The following SPATA13 variants were observed in gnomAD, a reference collection of about 807,000 sequenced individuals.
SPATA13 encodes spermatogenesis-associated protein 13.
A neutral mutation model predicts 104.0 loss-of-function variants in SPATA13; 50 were observed. That is an observed-to-expected ratio of 0.48 (90% CI 0.38 to 0.61). The LOEUF is 0.61. Ranked by LOEUF, SPATA13 falls within the 20% of genes least tolerant of loss-of-function variation. SPATA13 has a pLI of 0.00. For synonymous variants in SPATA13, 606 were observed against 667.5 expected, an observed-to-expected ratio of 0.91 and a Z score of 1.42; for missense variants, 1,524 against 1,690.6, an observed-to-expected ratio of 0.90 and a Z score of 1.73.
At chr13:24,262,193 A>C (rs1382108006) in intron 4 of SPATA13, among the ~76,000 whole-genome samples, 1 of 152,178 alleles carries the variant, frequency 6.6e-6, no homozygotes, top group Non-Finnish European at 1.5e-5. Flanking sequence ...TTTTTAAATA[A>C]AATTAATTGA....
chr13:24,298,266 A>AC (rs1876934666), intron 11 of SPATA13, among the ~76,000 whole-genome samples: 1 of 152,128 alleles, frequency 6.6e-6, no homozygotes, highest in South Asian at 2.1e-4. Flanking sequence ...CCTGTGCAAT[A>AC]CCTTCAGTGT....
At chr13:24,266,231 T>C (rs1006578142) in intron 4 of SPATA13, among the ~76,000 whole-genome samples, 1 of 152,210 alleles carries the variant, frequency 6.6e-6, no homozygotes, top group East Asian at 1.9e-4. Context: ...TCTGTATCTA[T>C]AGAATAAAAT....
chr13:24,286,674 C>T lies in SPATA13; in HGVS notation c.2482-91C>T. The T allele has an allele frequency of 7.8e-7, 1 of 1,289,984 alleles. No individual in the cohort carries two copies. The allele number at this position is 1,289,984 out of a possible 1,614,324, so 79.9% of individuals were successfully genotyped here. A position where few individuals can be genotyped will look rare whatever the true frequency, so the allele number is the denominator to read the frequency against. ...GCCAGGCTGCCTTCCTAACAGGTCA[C>T]AGGAAAGTAGGAACCTGGGAGGTCT... On this transcript the variant is annotated intron_variant, in intron 6 of 12. Coordinates refer to ENST00000382108, the MANE Select transcript of SPATA13 (RefSeq NM_001166271.3). This position sits in a 1 kb window ranked among gnomAD's most constrained non-coding sequence, Gnocchi z 4.9.
At chr13:24,275,910 G>A (rs1186635887) in intron 4 of SPATA13, among the ~76,000 whole-genome samples, 2 of 152,168 alleles carry the variant, frequency 1.3e-5, no homozygotes, top group African/African-American at 4.8e-5. Context: ...CTCCAGCCTG[G>A]GCGACAGAGC....
chr13:24,120,796 A>G, intron 3 of SPATA13, among the ~76,000 whole-genome samples: 1 of 152,352 alleles, frequency 6.6e-6, no homozygotes, highest in Non-Finnish European at 1.5e-5. Flanking sequence ...AGGTGTTTTC[A>G]TTGCCTACCA....
intron 1 of SPATA13, among the ~76,000 whole-genome samples, chr13:23,982,589 C>A (rs1178801633): frequency 6.6e-6 from 1 of 152,120 alleles, no homozygotes; most frequent in African/African-American, 2.4e-5. Flanking sequence ...TTAAACTCTA[C>A]TGTGAAATGC....
In SPATA13 at chr13:24,161,365, C is replaced by T. The variant is rs1231962297; in HGVS notation, c.-112+433C>T. Among the ~76,000 whole-genome samples, 1 of 152,170 alleles carries T rather than the reference C, an allele frequency of 6.6e-6. No individual in the cohort carries two copies. ...TGTAACGCTCTGCTCCATCGGGTGG[C>T]GTGGCTGGTGCCTCCGGGGACCCGG... On this transcript the variant is annotated intron_variant, in intron 1 of 12. Transcript: ENST00000382108. The surrounding 1 kb of genome is among the most constrained non-coding windows in gnomAD (Gnocchi z 4.5).
chr13:24,191,551 T>C (rs1231459), intron 1 of SPATA13, among the ~76,000 whole-genome samples: 57,321 of 130,110 alleles, frequency 0.44, 12,832 homozygotes, highest in African/African-American at 0.59. Context: ...GCTCTGTCAC[T>C]CAGGCTGGAG....
rs927458791 is a variant in SPATA13 at position 24,187,070 on chromosome 13, G to A, written c.-112+26138G>A. Among the ~76,000 whole-genome samples the A allele has an allele frequency of 1.2e-4, 18 of 152,110 alleles. 1 individual carries two copies. The highest frequency in any genetic ancestry group is 2.9e-5 in the Non-Finnish European group (2 of 68,020). ...CAGCAAACACCAGGTTGCATGTTAT[G>A]ACAGCCTAGCACAAAACTACCTTTT... On this transcript the variant is annotated intron_variant, in intron 1 of 12. Transcript: ENST00000382108.
intron 2 of SPATA13, among the ~76,000 whole-genome samples, chr13:23,986,663 T>C (rs2810694): frequency 0.62 from 93,661 of 151,822 alleles, 30,005 homozygotes; most frequent in Non-Finnish European, 0.71. Context: ...TTCTCACCTT[T>C]AATTTATCTT....
chr13:24,116,723 T>C (rs9551063), intron 3 of SPATA13, among the ~76,000 whole-genome samples: 11,897 of 149,344 alleles, frequency 0.08, 747 homozygotes, highest in East Asian at 0.31. Flanking sequence ...ACCATTGCCA[T>C]AGACTTAACT....
intron 1 of SPATA13, among the ~76,000 whole-genome samples, chr13:24,193,833 A>G (rs1869903402): frequency 6.6e-6 from 1 of 152,186 alleles, no homozygotes; most frequent in African/African-American, 2.4e-5. Flanking sequence ...ACGTTGTGCC[A>G]GGTGATGAAG....
intron 1 of SPATA13, among the ~76,000 whole-genome samples, chr13:24,162,159 C>T (rs1882527353): frequency 6.6e-6 from 1 of 152,190 alleles, no homozygotes; most frequent in South Asian, 2.1e-4. Context: ...TAATTCTCAT[C>T]TACCTCCCTT....
intron 2 of SPATA13, among the ~76,000 whole-genome samples, chr13:24,239,969 A>G (rs9551084): frequency 0.61 from 92,591 of 151,406 alleles, 28,688 homozygotes; most frequent in East Asian, 0.76. Flanking sequence ...TAATATGATG[A>G]CTTTAAACTG....
chr13:24,167,021 C>A (rs984781794), intron 1 of SPATA13, among the ~76,000 whole-genome samples: 3 of 152,204 alleles, frequency 2.0e-5, no homozygotes, highest in Non-Finnish European at 4.4e-5. Context: ...ACCAGGGTGC[C>A]TTTAAATACA....
At chr13:23,991,432 C>T (rs1411451595) in intron 2 of SPATA13, among the ~76,000 whole-genome samples, 1 of 152,120 alleles carries the variant, frequency 6.6e-6, no homozygotes, top group Non-Finnish European at 1.5e-5. Context: ...AGCAAACTTT[C>T]AGCTGAAGAC....
chr13:23,980,801 A>C (rs1478028243), intron 1 of SPATA13, among the ~76,000 whole-genome samples: 1 of 152,164 alleles, frequency 6.6e-6, no homozygotes, highest in Non-Finnish European at 1.5e-5. Context: ...CATAATGGCC[A>C]GGCTGGTCTC....
In SPATA13 at chr13:24,289,183, G is replaced by A. The variant is rs780867880; in HGVS notation, c.2847+5G>A. 1.2e-5 allele frequency: 19 copies of A among 1,605,470 alleles called. No homozygotes were observed. Among genetic ancestry groups the A allele is most frequent in the East Asian group, 2.2e-5 (1 of 44,798 alleles). On this transcript the variant is annotated splice_donor_5th_base_variant and intron_variant, in intron 8 of 12. Transcript: ENST00000382108. The stretch of plus-strand genomic sequence containing the variant: ...GGATCTTGCTTTCTTCAAAATGTGC[G>A]TCACCCTTTACTTCATTATTAATAA...
At chr13:24,059,220 C>G (rs192270515) in intron 3 of SPATA13, among the ~76,000 whole-genome samples, 8 of 151,824 alleles carry the variant, frequency 5.3e-5, no homozygotes, top group Non-Finnish European at 1.0e-4. Flanking sequence ...ATCCACCCCC[C>G]TCGGCCTCCT....
Sources: gnomAD v4.1 joint callset for allele counts (sites outside exome capture counted in the v4.1 genomes callset) on GRCh38, gnomAD v4.1.1 for gene constraint, Gnocchi (gnomAD v3.1) non-coding constraint, MANE v1.5 for transcripts, NCBI Gene and HGNC (gene_info 2026-07-23, HGNC 2026-07-21) for gene names.